Variants in CSMD1 observed in about 807,000 individuals in gnomAD.
CSMD1 encodes CUB and Sushi multiple domains 1, also known as CUB and sushi domain-containing protein 1.
In CSMD1, 213 loss-of-function variants were observed where a neutral mutation model predicts 417.5. The ratio of observed to expected loss-of-function variants is 0.51; its 90% CI spans 0.46 to 0.57. CSMD1 has a LOEUF of 0.57. Among genes scored for constraint, CSMD1 ranks in the 20% least tolerant of loss-of-function variants. CSMD1 has a pLI of 0.00. For synonymous variants in CSMD1, 2,862 were observed against 1,736.8 expected (o/e 1.65, Z -16.11); for missense variants, 6,923 against 4,529.7 (o/e 1.53, Z -15.17).
intron 51 of CSMD1, among the ~76,000 whole-genome samples, chr8:3,018,895 T>G (rs571164798): frequency 6.6e-6 from 1 of 152,278 alleles, no homozygotes; most frequent in South Asian, 2.1e-4. Context: ...CAAAACATTC[T>G]AGATTCCTCC....
At position 4,882,432 on chromosome 8, in the gene CSMD1, C is replaced by A. The variant is rs369062045; in HGVS notation, c.85+111900G>T. 3.3e-5 allele frequency among the ~76,000 whole-genome samples: 5 copies of A among 151,600 alleles called. No individual in the cohort carries two copies. The East Asian group carries it at 7.8e-4, about 24-fold the overall frequency. On this transcript the variant is annotated intron_variant, in intron 1 of 69. Coordinates refer to ENST00000635120, the MANE Select transcript of CSMD1 (RefSeq NM_033225.6). Reference sequence around the variant, plus strand: ...ATTGTGTGGCTTTAGCTTCAAATTCCGGAGGGAATTTGAAGAGTATTGGGG... The same window carrying A: ...ATTGTGTGGCTTTAGCTTCAAATTCAGGAGGGAATTTGAAGAGTATTGGGG...
At chr8:2,952,734 C>G (rs1257628054) in intron 65 of CSMD1, among the ~76,000 whole-genome samples, 1 of 152,164 alleles carries the variant, frequency 6.6e-6, no homozygotes, top group Non-Finnish European at 1.5e-5. Context: ...AGTTACTAAT[C>G]CACTTGTTCA....
intron 2 of CSMD1, among the ~76,000 whole-genome samples, chr8:4,499,218 C>T (rs1170319251): frequency 6.6e-6 from 1 of 152,102 alleles, no homozygotes; most frequent in Non-Finnish European, 1.5e-5. Flanking sequence ...ACTTCACAAA[C>T]AAGGTGAGTC....
intron 1 of CSMD1, among the ~76,000 whole-genome samples, chr8:4,704,111 G>A (rs1346505859): frequency 6.6e-6 from 1 of 152,152 alleles, no homozygotes; most frequent in African/African-American, 2.4e-5. Context: ...GTCTGATACA[G>A]GCCTTCATCC....
chr8:2,941,474 C>T (rs1801869825), intron 69 of CSMD1, among the ~76,000 whole-genome samples: 1 of 152,092 alleles, frequency 6.6e-6, no homozygotes, highest in African/African-American at 2.4e-5. Flanking sequence ...TTAATGCTAC[C>T]ATTTCAAATA....
At chr8:3,556,605 A>T (rs993994689) in intron 10 of CSMD1, among the ~76,000 whole-genome samples, 7 of 151,132 alleles carry the variant, frequency 4.6e-5, no homozygotes, top group African/African-American at 1.7e-4. Context: ...CATTGCCTTT[A>T]GGGCTGGTAC....
intron 2 of CSMD1, among the ~76,000 whole-genome samples, chr8:4,506,912 G>C (rs1220910812): frequency 6.6e-6 from 1 of 151,986 alleles, no homozygotes; most frequent in African/African-American, 2.4e-5. Context: ...CTGTATCTTA[G>C]GTACATTTTT....
At chr8:4,203,601 G>T (rs910897975) in intron 3 of CSMD1, among the ~76,000 whole-genome samples, 2 of 152,098 alleles carry the variant, frequency 1.3e-5, no homozygotes, top group East Asian at 3.9e-4. Context: ...TCAAAGAGCA[G>T]CTGTGGCACT....
intron 3 of CSMD1, among the ~76,000 whole-genome samples, chr8:4,277,578 C>T (rs530462322): frequency 2.0e-5 from 3 of 152,230 alleles, no homozygotes; most frequent in Admixed American, 2.0e-4. Flanking sequence ...CATGTCTATA[C>T]TCATGAAAAC....
At chr8:3,488,112 T>A (rs922351050) in intron 11 of CSMD1, among the ~76,000 whole-genome samples, 9 of 110,554 alleles carry the variant, frequency 8.1e-5, no homozygotes, top group South Asian at 2.5e-4. Flanking sequence ...TATTATTATT[T>A]TTCTTTTTGA....
chr8:3,283,173 T>C (rs1802867746), intron 26 of CSMD1, among the ~76,000 whole-genome samples: 1 of 152,156 alleles, frequency 6.6e-6, no homozygotes, highest in Non-Finnish European at 1.5e-5. Flanking sequence ...CTTGAAACTT[T>C]ATCCCTAAGG....
At chr8:3,755,029 C>T (rs552256125) in intron 5 of CSMD1, among the ~76,000 whole-genome samples, 1 of 152,354 alleles carries the variant, frequency 6.6e-6, no homozygotes, top group East Asian at 1.9e-4. Context: ...ATCCATTTCA[C>T]TTTACAACGT....
chr8:4,571,464 C>A (rs1196795483), intron 2 of CSMD1, among the ~76,000 whole-genome samples: 1 of 152,160 alleles, frequency 6.6e-6, no homozygotes, highest in Non-Finnish European at 1.5e-5. Flanking sequence ...GAGTGAGTTT[C>A]TTAATCCTGA....
chr8:3,476,385 T>G (rs1291857353), intron 11 of CSMD1, among the ~76,000 whole-genome samples: 4 of 152,226 alleles, frequency 2.6e-5, no homozygotes, highest in African/African-American at 4.8e-5. Context: ...TGTTTCTATT[T>G]TGGCAATTAT....
intron 2 of CSMD1, among the ~76,000 whole-genome samples, chr8:4,461,922 T>C (rs1271341063): frequency 1.3e-5 from 2 of 151,918 alleles, no homozygotes; most frequent in African/African-American, 2.4e-5. Context: ...TCTGTATTTT[T>C]AGAAGAGACG....
intron 7 of CSMD1, among the ~76,000 whole-genome samples, chr8:3,650,897 C>T (rs1000456403): frequency 2.6e-5 from 4 of 152,252 alleles, no homozygotes; most frequent in South Asian, 4.2e-4. Context: ...GAATATCGAA[C>T]GTCTTCTCAG....
intron 3 of CSMD1, among the ~76,000 whole-genome samples, chr8:4,308,382 G>C (rs1238721316): frequency 6.6e-6 from 1 of 151,932 alleles, no homozygotes; most frequent in Non-Finnish European, 1.5e-5. Flanking sequence ...TCTGTGCACA[G>C]TCTGTGGTGT....
chr8:3,425,382 G>C (rs1054158653), intron 12 of CSMD1, among the ~76,000 whole-genome samples: 6 of 151,884 alleles, frequency 4.0e-5, no homozygotes, highest in Non-Finnish European at 5.9e-5. Context: ...GAGGTCAAGA[G>C]ATCCAGACCA....
At chr8:4,286,736 G>C (rs77633798) in intron 3 of CSMD1, among the ~76,000 whole-genome samples, 2,166 of 152,254 alleles carry the variant, frequency 0.014, 38 homozygotes, top group African/African-American at 0.049. Flanking sequence ...AGACTCCCCA[G>C]CATCTGATGC....
Sources: allele counts gnomAD v4.1 joint callset (sites outside exome capture counted in the v4.1 genomes callset), GRCh38; gene constraint gnomAD v4.1.1; transcripts MANE v1.5; gene names NCBI Gene and HGNC (gene_info 2026-07-23, HGNC 2026-07-21).